Variants in RCL1 observed in about 807,000 individuals in gnomAD.
RCL1 encodes the protein RNA 3'-terminal phosphate cyclase-like protein.
Under a neutral mutation model 42.4 loss-of-function variants are expected in RCL1, and 24 were observed. The observed-to-expected ratio is 0.57, with a 90% CI of 0.41 to 0.80. The LOEUF is 0.80. Among genes scored for constraint, RCL1 ranks in the 30% least tolerant of loss-of-function variants. RCL1 has a pLI of 0.00. For synonymous variants in RCL1, 228 were observed against 177.3 expected (o/e 1.29, Z -2.27); for missense variants, 578 against 467.9 (o/e 1.24, Z -2.17).
intron 7 of RCL1, among the ~76,000 whole-genome samples, chr9:4,848,629 C>T (rs1260679395): frequency 6.6e-6 from 1 of 152,082 alleles, no homozygotes; most frequent in Non-Finnish European, 1.5e-5. Context: ...AAAGTTATTC[C>T]AGAAAGAATG....
At chr9:4,825,062 C>G (rs1587711499) in intron 2 of RCL1, among the ~76,000 whole-genome samples, 2 of 151,870 alleles carry the variant, frequency 1.3e-5, no homozygotes, top group African/African-American at 4.8e-5. Context: ...CAGTTGCCTG[C>G]TGCCATACCT....
At position 4,844,866 on chromosome 9, in the gene RCL1, T is replaced by C. The variant is rs75246973; in HGVS notation, c.867+185T>C. On this transcript the variant is annotated intron_variant, in intron 7 of 8. Transcript: ENST00000381750. ...AGCTCAACCAGTCAGTGAGTAGAGA[T>C]CTAGCCCCACTGGGTTGAGACACAG... is the stretch of plus-strand genomic sequence containing the variant. 9.4e-3 allele frequency among the ~76,000 whole-genome samples: 1,426 copies of C among 152,282 alleles called. 27 individuals carry two copies. Among genetic ancestry groups the C allele is most frequent in the African/African-American group, 0.033 (1,376 of 41,548 alleles).
At chr9:4,858,430 G>A (rs185252432) in intron 8 of RCL1, among the ~76,000 whole-genome samples, 98 of 152,224 alleles carry the variant, frequency 6.4e-4, no homozygotes, top group African/African-American at 2.4e-3. Flanking sequence ...TTAAGAAACC[G>A]TTGCCTAGCC....
intron 1 of RCL1, among the ~76,000 whole-genome samples, chr9:4,816,869 T>G (rs760117986): frequency 2.6e-5 from 4 of 152,190 alleles, no homozygotes; most frequent in Non-Finnish European, 5.9e-5. Flanking sequence ...CAGGCCGGAG[T>G]GCAGTGGCGC....
At chr9:4,832,492 G>A (rs1363662397) in intron 3 of RCL1, among the ~76,000 whole-genome samples, 2 of 152,134 alleles carry the variant, frequency 1.3e-5, no homozygotes, top group Non-Finnish European at 2.9e-5. Context: ...ATTTTCTTCT[G>A]TACGTTTATA....
At chr9:4,803,257 T>G (rs181646553) in intron 1 of RCL1, among the ~76,000 whole-genome samples, 2 of 152,312 alleles carry the variant, frequency 1.3e-5, no homozygotes, top group East Asian at 3.9e-4. Context: ...TTTCAGAACT[T>G]TGGCTTCCTT....
chr9:4,837,551 G>A (rs766525716), intron 5 of RCL1, among the ~76,000 whole-genome samples: 11 of 151,914 alleles, frequency 7.2e-5, no homozygotes, highest in Non-Finnish European at 1.3e-4. Context: ...TGTGATTTCT[G>A]GCAGTGTGCT....
intron 2 of RCL1, among the ~76,000 whole-genome samples, chr9:4,824,625 C>T (rs532921727): frequency 6.6e-6 from 1 of 152,270 alleles, no homozygotes; most frequent in South Asian, 2.1e-4. Context: ...ACTCCATTAA[C>T]TCTCTACCTT....
intron 1 of RCL1, among the ~76,000 whole-genome samples, chr9:4,814,302 G>C (rs1816293563): frequency 6.6e-6 from 1 of 151,800 alleles, no homozygotes; most frequent in Non-Finnish European, 1.5e-5. Context: ...ATTTTTTTTA[G>C]AGATAGGGTC....
chr9:4,849,419 T>C (rs750279470), intron 7 of RCL1, 28 bp from the exon 8 acceptor site: 91 of 1,568,198 alleles, frequency 5.8e-5, no homozygotes, highest in Non-Finnish European at 7.8e-5. Flanking sequence ...ATTTTCTGGT[T>C]TGTACAATTA....
intron 1 of RCL1, among the ~76,000 whole-genome samples, chr9:4,818,986 A>G (rs1335749004): frequency 2.6e-5 from 4 of 152,146 alleles, no homozygotes; most frequent in Non-Finnish European, 5.9e-5. Context: ...GGCACATGGT[A>G]TTATAAAGAT....
intron 1 of RCL1, among the ~76,000 whole-genome samples, chr9:4,806,640 TTACA>T (rs1815983677): frequency 1.5e-5 from 2 of 132,872 alleles, no homozygotes; most frequent in African/African-American, 5.9e-5. Context: ...ACACATATAC[TTACA>T]TATATATTGC....
At chr9:4,798,712 G>A (rs1842951198) in intron 1 of RCL1, among the ~76,000 whole-genome samples, 1 of 152,098 alleles carries the variant, frequency 6.6e-6, no homozygotes, top group Non-Finnish European at 1.5e-5. Context: ...CCTGGTTTGG[G>A]ACCCAGAATT....
At chr9:4,820,044 C>T (rs1816536289) in intron 1 of RCL1, among the ~76,000 whole-genome samples, 1 of 152,200 alleles carries the variant, frequency 6.6e-6, no homozygotes, top group South Asian at 2.1e-4. Context: ...CTTGCCATGC[C>T]TCTACTGGTA....
At chr9:4,854,707 C>A (rs1338752505) in intron 8 of RCL1, among the ~76,000 whole-genome samples, 2 of 152,154 alleles carry the variant, frequency 1.3e-5, no homozygotes, top group African/African-American at 2.4e-5. Flanking sequence ...TGACCACAAG[C>A]CTCATGGCCT....
intron 3 of RCL1, among the ~76,000 whole-genome samples, chr9:4,829,535 G>A (rs530868249): frequency 1.6e-4 from 25 of 152,278 alleles, no homozygotes; most frequent in African/African-American, 4.6e-4. Context: ...TTTCCAGTTG[G>A]CAGTTAGAAA....
rs544572707 is a variant in RCL1, at chr9:4,816,138, G to T, written c.137-7410G>T. On this transcript the variant is annotated intron_variant, in intron 1 of 8. Transcript: ENST00000381750. ...CTGAGCACCTTTTCTTTGATGTATT[G>T]GTCAGTTGGATATCCTCTTTTATGA... 2.6e-5 allele frequency among the ~76,000 whole-genome samples: 4 copies of T among 152,042 alleles called. No individual in the cohort carries two copies. In the South Asian group the frequency reaches 8.3e-4, roughly 32 times the overall value.
chr9:4,815,108 G>C (rs975274033), intron 1 of RCL1, among the ~76,000 whole-genome samples: 2 of 152,076 alleles, frequency 1.3e-5, no homozygotes, highest in Non-Finnish European at 2.9e-5. Flanking sequence ...CTTTTGGGTT[G>C]AATCTATTTT....
At chr9:4,829,598 T>A (rs1202051601) in intron 3 of RCL1, among the ~76,000 whole-genome samples, 1 of 152,188 alleles carries the variant, frequency 6.6e-6, no homozygotes, top group Non-Finnish European at 1.5e-5. Context: ...TGCTGATACT[T>A]AAGCCTCTAG....
Sources: allele counts gnomAD v4.1 joint callset (sites outside exome capture counted in the v4.1 genomes callset), GRCh38; gene constraint gnomAD v4.1.1; transcripts MANE v1.5; gene names NCBI Gene and HGNC (gene_info 2026-07-23, HGNC 2026-07-21).